FILIP1L: variants seen among roughly 807,000 people sequenced by gnomAD.
FILIP1L encodes the protein filamin A interacting protein 1 like, also known as filamin A-interacting protein 1-like.
In FILIP1L, 55 loss-of-function variants were observed where a neutral mutation model predicts 96.6. That is an observed-to-expected ratio of 0.57 (90% confidence interval 0.46 to 0.71). The LOEUF (loss-of-function observed/expected upper bound fraction) is 0.71. Among genes scored for constraint, FILIP1L ranks in the 30% least tolerant of loss-of-function variants. FILIP1L has a pLI of 0.00. For missense variants in FILIP1L, 1,304 were observed against 1,321.2 expected, an observed-to-expected ratio of 0.99 and a Z score of 0.20; for synonymous variants, 467 against 473.9, an observed-to-expected ratio of 0.99 and a Z score of 0.19.
chr3:99,913,279 G>A (rs1431048792), intron 4 of FILIP1L, among the ~76,000 whole-genome samples: 1 of 152,176 alleles, frequency 6.6e-6, no homozygotes, highest in Admixed American at 6.5e-5. Context: ...TTGAGGAACT[G>A]ACAGACTATT....
intron 1 of FILIP1L, among the ~76,000 whole-genome samples, chr3:99,954,259 A>G (rs1025326044): frequency 1.3e-5 from 2 of 152,248 alleles, no homozygotes; most frequent in South Asian, 4.1e-4. Flanking sequence ...AGCCCAGGTC[A>G]TCTAATTCCA....
At chr3:100,065,312 C>T (rs933897944) in intron 1 of FILIP1L, among the ~76,000 whole-genome samples, 1 of 152,130 alleles carries the variant, frequency 6.6e-6, no homozygotes, top group Non-Finnish European at 1.5e-5. Context: ...AACCATTGCT[C>T]TAAATTGCAA....
chr3:99,862,191 A>G (rs1017173184), intron 4 of FILIP1L, among the ~76,000 whole-genome samples: 2 of 152,188 alleles, frequency 1.3e-5, no homozygotes, highest in African/African-American at 4.8e-5. Context: ...TATAGGCCCT[A>G]AATATAGTTT....
chr3:100,062,604 T>C (rs1310286656), intron 1 of FILIP1L, among the ~76,000 whole-genome samples: 1 of 152,246 alleles, frequency 6.6e-6, no homozygotes, highest in Non-Finnish European at 1.5e-5. Flanking sequence ...CATGGGCAAT[T>C]AGAGCTACAT....
chr3:99,880,113 G>A (rs953154052), intron 4 of FILIP1L, among the ~76,000 whole-genome samples: 1 of 152,192 alleles, frequency 6.6e-6, no homozygotes, highest in African/African-American at 2.4e-5. Flanking sequence ...TTAGGACGAA[G>A]GCTGAAGGGA....
At chr3:100,096,661 A>G (rs1191585176) in intron 1 of FILIP1L, among the ~76,000 whole-genome samples, 1 of 143,904 alleles carries the variant, frequency 6.9e-6, no homozygotes, top group African/African-American at 2.5e-5. Flanking sequence ...TAAGGAGTAC[A>G]AAAAAAAAAA....
chr3:99,869,105 T>C (rs948930442), intron 4 of FILIP1L, among the ~76,000 whole-genome samples: 1 of 152,180 alleles, frequency 6.6e-6, no homozygotes, highest in Non-Finnish European at 1.5e-5. Flanking sequence ...GACTTGTTAT[T>C]AGAATGGAAG....
chr3:99,987,567 A>T (rs1277062562), intron 1 of FILIP1L, among the ~76,000 whole-genome samples: 1 of 151,760 alleles, frequency 6.6e-6, no homozygotes, highest in Non-Finnish European at 1.5e-5. Flanking sequence ...AAAAATATTT[A>T]AGTGCAAGAG....
chr3:99,930,634 A>G (rs573250210), intron 2 of FILIP1L, 135 bp downstream of exon 2: 2 of 888,540 alleles, frequency 2.3e-6, no homozygotes, highest in African/African-American at 1.7e-5. Context: ...AATTCTTTGT[A>G]TATATACTTA....
At chr3:100,095,705 G>T (rs1314798940) in intron 1 of FILIP1L, among the ~76,000 whole-genome samples, 1 of 152,082 alleles carries the variant, frequency 6.6e-6, no homozygotes, top group Non-Finnish European at 1.5e-5. Context: ...CAAGACATTG[G>T]TCTGGGTAAA....
At chr3:100,008,711 A>G (rs1710058977) in intron 1 of FILIP1L, among the ~76,000 whole-genome samples, 1 of 152,214 alleles carries the variant, frequency 6.6e-6, no homozygotes, top group Non-Finnish European at 1.5e-5. Flanking sequence ...ATGTTTGCAT[A>G]TGTTTGCTAG....
chr3:100,067,512 C>T (rs2065687322), intron 1 of FILIP1L, among the ~76,000 whole-genome samples: 1 of 152,116 alleles, frequency 6.6e-6, no homozygotes, highest in South Asian at 2.1e-4. Context: ...TGAAATCTGA[C>T]AAAATTCACT....
chr3:99,937,605 A>G (rs1419069989), intron 1 of FILIP1L, among the ~76,000 whole-genome samples: 1 of 152,188 alleles, frequency 6.6e-6, no homozygotes, highest in Non-Finnish European at 1.5e-5. Context: ...TGGGTTTATT[A>G]TTCATATTTG....
At chr3:99,843,627 T>A (rs2107510499) in intron 5 of FILIP1L, among the ~76,000 whole-genome samples, 1 of 152,286 alleles carries the variant, frequency 6.6e-6, no homozygotes, top group African/African-American at 2.4e-5. Context: ...CTACTGAATA[T>A]CATGGCTTTG....
At chr3:100,060,134 G>T (rs1301478777) in intron 1 of FILIP1L, among the ~76,000 whole-genome samples, 4 of 152,100 alleles carry the variant, frequency 2.6e-5, no homozygotes, top group Non-Finnish European at 4.4e-5. Flanking sequence ...CTGGAGGTGT[G>T]TGTCACATGG....
At chr3:100,047,851 T>G (rs1489862244) in intron 1 of FILIP1L, among the ~76,000 whole-genome samples, 1 of 152,050 alleles carries the variant, frequency 6.6e-6, no homozygotes, top group African/African-American at 2.4e-5. Flanking sequence ...GGAAGGCATT[T>G]TTGGTTGTCA....
At chr3:100,078,633 G>A (rs1431323610) in intron 1 of FILIP1L, among the ~76,000 whole-genome samples, 2 of 152,156 alleles carry the variant, frequency 1.3e-5, no homozygotes, top group Admixed American at 1.3e-4. Context: ...TCGCTGGCCT[G>A]TAATCCCAGC....
intron 1 of FILIP1L, among the ~76,000 whole-genome samples, chr3:100,067,318 C>T (rs1352747476): frequency 6.6e-6 from 1 of 152,196 alleles, no homozygotes; most frequent in African/African-American, 2.4e-5. Flanking sequence ...TTATTCTGGC[C>T]TACCTATGGT....
chr3:100,008,664 A>G (rs1373751824), intron 1 of FILIP1L, among the ~76,000 whole-genome samples: 3 of 152,256 alleles, frequency 2.0e-5, no homozygotes, highest in Non-Finnish European at 4.4e-5. Flanking sequence ...AGTCTATTGC[A>G]CAGCAACATT....
Sources: allele counts gnomAD v4.1 joint callset (sites outside exome capture counted in the v4.1 genomes callset), GRCh38; gene constraint gnomAD v4.1.1; transcripts MANE v1.5; gene names NCBI Gene and HGNC (gene_info 2026-07-23, HGNC 2026-07-21).